Variants in GSKIP observed in about 807,000 individuals in gnomAD.
GSKIP encodes the protein GSK3B-interacting protein.
In GSKIP, 5 loss-of-function variants were observed where a neutral mutation model predicts 11.9. The observed-to-expected ratio is 0.42, with a 90% CI of 0.22 to 0.89. The LOEUF (loss-of-function observed/expected upper bound fraction) is 0.89. GSKIP is among the 40% of genes least tolerant of loss of function. The pLI, the probability that GSKIP is intolerant of heterozygous loss-of-function variation, is 0.29. For missense variants in GSKIP, 150 were observed against 166.6 expected (o/e 0.90, Z 0.55); for synonymous variants, 70 against 62.9 (o/e 1.11, Z -0.54).
At chr14:96,367,176 A>G (rs1279784283) in intron 1 of GSKIP, among the ~76,000 whole-genome samples, 2 of 152,228 alleles carry the variant, frequency 1.3e-5, no homozygotes, top group Non-Finnish European at 2.9e-5. Flanking sequence ...AGCACTTTCC[A>G]TGTATTCATT....
intron 1 of GSKIP, among the ~76,000 whole-genome samples, chr14:96,365,813 A>G (rs1005281055): frequency 6.6e-6 from 1 of 151,936 alleles, no homozygotes; most frequent in Admixed American, 6.6e-5. Context: ...CAGCCTGGGC[A>G]ACAGAGTGAG....
Position 96,382,340 on chromosome 14 carries a change from A to G in GSKIP, c.93A>G (p.Lys31=). The G allele has an allele frequency of 6.2e-7, 1 of 1,613,986 alleles. No homozygotes were observed. Among genetic ancestry groups the G allele is most frequent in the Non-Finnish European group, 8.5e-7 (1 of 1,179,882 alleles). ...ACGGTTTTGAAGGAACTGACATGAA[A>G]GACATGAGGCTCGAAGCTGAAGCAG... is the stretch of plus-strand genomic sequence containing the variant. ...ELNGFEGTDM[K]DMRLEAEAVV... The change falls in exon 3 of 4, where the codon AAA becomes AAG. Residue 31 remains lysine (K), a synonymous_variant. Transcript: ENST00000555181.
chr14:96,386,428 A>G lies in GSKIP; in HGVS notation c.*744A>G, dbSNP rs1021297148. On this transcript the variant is annotated 3_prime_UTR_variant, in exon 4 of 4. Coordinates refer to ENST00000555181, the MANE Select transcript of GSKIP (RefSeq NM_016472.5). The stretch of plus-strand genomic sequence containing the variant: ...ACAGACTTCATTCTTTTTCTTAACA[A>G]AAAAGCATCTTCAGTGTGTGATTTA... 12 of 152,610 alleles carry G rather than the reference A, an allele frequency of 7.9e-5. No individual in the cohort carries two copies. The highest frequency in any genetic ancestry group is 2.7e-4 in the African/African-American group (11 of 41,452). 9.5% of individuals were successfully genotyped at this position (152,610 alleles called of 1,614,324 possible).
chr14:96,377,274 C>G (rs1181913045), intron 1 of GSKIP, among the ~76,000 whole-genome samples: 1 of 152,184 alleles, frequency 6.6e-6, no homozygotes, highest in Admixed American at 6.5e-5. Flanking sequence ...AAGTTCCATT[C>G]ATTTAGAATT....
At chr14:96,376,910 A>C (rs1889217994) in intron 1 of GSKIP, among the ~76,000 whole-genome samples, 2 of 149,684 alleles carry the variant, frequency 1.3e-5, no homozygotes, top group African/African-American at 4.8e-5. Context: ...ATGATTCATT[A>C]GTTTTTACTA....
intron 3 of GSKIP, among the ~76,000 whole-genome samples, chr14:96,382,831 T>C (rs1889385868): frequency 6.6e-6 from 1 of 152,134 alleles, no homozygotes; most frequent in South Asian, 2.1e-4. Flanking sequence ...ATTGAATGGG[T>C]TTTGCAGTCA....
chr14:96,382,809 T>C (rs1889385347), intron 3 of GSKIP, among the ~76,000 whole-genome samples: 1 of 152,210 alleles, frequency 6.6e-6, no homozygotes, highest in African/African-American at 2.4e-5. Flanking sequence ...GAATTATACA[T>C]ACATTCTTTG....
chr14:96,366,395 G>C (rs1206061978), intron 1 of GSKIP, among the ~76,000 whole-genome samples: 1 of 152,230 alleles, frequency 6.6e-6, no homozygotes, highest in African/African-American at 2.4e-5. Context: ...GCTCTATTCA[G>C]AGTATTGTGT....
intron 3 of GSKIP, chr14:96,384,636 C>T (rs1889439239): frequency 6.6e-6 from 1 of 150,854 alleles, no homozygotes; most frequent in Non-Finnish European, 1.5e-5. Flanking sequence ...GGCCTGTCAG[C>T]CTTTTGCCTA....
At chr14:96,381,360 A>T (rs1203035285) in intron 2 of GSKIP, among the ~76,000 whole-genome samples, 2 of 152,258 alleles carry the variant, frequency 1.3e-5, no homozygotes, top group East Asian at 3.8e-4. Context: ...GTTATTCAGT[A>T]AATGGTATTG....
intron 3 of GSKIP, among the ~76,000 whole-genome samples, chr14:96,383,973 T>G: frequency 6.6e-6 from 1 of 152,142 alleles, no homozygotes; most frequent in East Asian, 1.9e-4. Flanking sequence ...TCAGCAGTCT[T>G]AAATGTGAAT....
chr14:96,378,211 G>A (rs55749166), intron 1 of GSKIP, among the ~76,000 whole-genome samples: 54 of 152,130 alleles, frequency 3.5e-4, no homozygotes, highest in Non-Finnish European at 5.1e-4. Context: ...AGAATCACCC[G>A]GACCTGATGG....
intron 1 of GSKIP, among the ~76,000 whole-genome samples, chr14:96,369,137 C>T (rs1172853554): frequency 6.6e-6 from 1 of 152,154 alleles, no homozygotes; most frequent in Non-Finnish European, 1.5e-5. Flanking sequence ...GCCTCCATAC[C>T]CTAGGGCTTT....
intron 1 of GSKIP, among the ~76,000 whole-genome samples, chr14:96,371,442 C>CTTTTTTT (rs570686090): frequency 8.9e-6 from 1 of 112,800 alleles, no homozygotes; most frequent in Non-Finnish European, 1.8e-5. Flanking sequence ...TATCAACAAT[C>CTTTTTTT]TTTTTTTTTT....
At chr14:96,377,804 G>A (rs891807141) in intron 1 of GSKIP, among the ~76,000 whole-genome samples, 6 of 152,236 alleles carry the variant, frequency 3.9e-5, no homozygotes, top group South Asian at 2.1e-4. Flanking sequence ...ACCACCATCC[G>A]GAAGTAGTTG....
intron 1 of GSKIP, chr14:96,364,430 CAG>C (rs1485993312): frequency 3.3e-5 from 5 of 152,226 alleles, no homozygotes; most frequent in African/African-American, 7.2e-5. Context: ...CGAACCTGAA[CAG>C]AGTCCTGAAA....
intron 2 of GSKIP, 110 bp from the exon 3 acceptor site, chr14:96,382,135 AGT>A: frequency 6.5e-6 from 4 of 619,266 alleles, no homozygotes; most frequent in Non-Finnish European, 1.0e-5. Flanking sequence ...ATTGTTAGCT[AGT>A]GTTTTGTACT....
chr14:96,378,213 A>G (rs8007017), intron 1 of GSKIP, among the ~76,000 whole-genome samples: 31,541 of 152,008 alleles, frequency 0.21, 3,445 homozygotes, highest in South Asian at 0.25. Context: ...AATCACCCGG[A>G]CCTGATGGCA....
intron 3 of GSKIP, among the ~76,000 whole-genome samples, 193 bp downstream of exon 3, chr14:96,382,698 G>T (rs1171918699): frequency 1.3e-5 from 2 of 152,048 alleles, no homozygotes; most frequent in African/African-American, 4.8e-5. Context: ...TGGGGAAACA[G>T]AATTTTTTTG....
Sources: allele counts gnomAD v4.1 joint callset (sites outside exome capture counted in the v4.1 genomes callset), GRCh38; gene constraint gnomAD v4.1.1; transcripts MANE v1.5; gene names NCBI Gene and HGNC (gene_info 2026-07-23, HGNC 2026-07-21).